FHIT: variants seen among roughly 807,000 people sequenced by gnomAD.
The protein encoded by FHIT is bis(5'-adenosyl)-triphosphatase.
Under a neutral mutation model 17.9 loss-of-function variants are expected in FHIT, and 19 were observed. The ratio of observed to expected loss-of-function variants is 1.06; its 90% CI spans 0.74 to 1.56. The LOEUF is 1.56. Ranked by LOEUF, FHIT falls within the 40% of genes most tolerant of loss-of-function variation. The pLI, the probability that FHIT is intolerant of heterozygous loss-of-function variation, is 0.00. For missense variants in FHIT, 248 were observed against 189.2 expected (o/e 1.31, Z -1.82); for synonymous variants, 81 against 69.7 (o/e 1.16, Z -0.81).
At position 60,011,396 on chromosome 3, in the gene FHIT, C is replaced by T; in HGVS notation, c.254G>A (p.Gly85Asp). 2 of 1,613,404 alleles carry T rather than the reference C, an allele frequency of 1.2e-6. No homozygotes were observed. Among genetic ancestry groups the T allele is most frequent in the Non-Finnish European group, 1.7e-6 (2 of 1,179,456 alleles). ...CTTCACAGTCTGTCCGGCTTCGGGG[C>T]CATCCTAGAAGTAGGAAAAAACCAA... ...GTSLTFSMQD[G>D]PEAGQTVKHV... The change falls in exon 7 of 10, where the codon GGC becomes GAC. Residue 85 changes from glycine to aspartate, a missense_variant. By Grantham distance (94) the Gly-to-Asp change is moderately conservative. Coordinates refer to ENST00000492590, the MANE Select transcript of FHIT (RefSeq NM_002012.4).
chr3:60,207,163 A>AGT (rs1475906047), intron 5 of FHIT, among the ~76,000 whole-genome samples: 1 of 145,540 alleles, frequency 6.9e-6, no homozygotes, highest in African/African-American at 2.5e-5. Context: ...GGAGTGTGTC[A>AGT]GTGTGCGTGT....
At chr3:59,945,847 G>C (rs1706775490) in intron 7 of FHIT, among the ~76,000 whole-genome samples, 1 of 152,126 alleles carries the variant, frequency 6.6e-6, no homozygotes, top group Non-Finnish European at 1.5e-5. Flanking sequence ...TAGGTTTGCA[G>C]CTTTATTTCT....
At chr3:59,885,086 TAAAG>T (rs1350198107) in intron 8 of FHIT, among the ~76,000 whole-genome samples, 1 of 152,184 alleles carries the variant, frequency 6.6e-6, no homozygotes, top group Non-Finnish European at 1.5e-5. Flanking sequence ...TGTGTTCAAA[TAAAG>T]ATATTTTCAA....
chr3:60,099,985 TCAAA>T (rs1214818016), intron 5 of FHIT, among the ~76,000 whole-genome samples: 4 of 152,158 alleles, frequency 2.6e-5, no homozygotes, highest in African/African-American at 9.7e-5. Flanking sequence ...TGAATTCTGT[TCAAA>T]CAATTATCAG....
At chr3:60,960,083 A>G (rs1709346068) in intron 3 of FHIT, among the ~76,000 whole-genome samples, 1 of 151,882 alleles carries the variant, frequency 6.6e-6, no homozygotes, top group African/African-American at 2.4e-5. Context: ...TACCCTCATC[A>G]CTGCTTTCCG....
rs1292373651 is a variant in FHIT, at chr3:60,114,072, T to TATATAA, written c.104-99921_104-99920insTTATAT. ...ATATATATATATATATATATATATA[T>TATATAA]AATGTTATATGTATCTTACCACAAT... On this transcript the variant is annotated intron_variant, in intron 5 of 9. Coordinates refer to ENST00000492590, the MANE Select transcript of FHIT (RefSeq NM_002012.4). Among the ~76,000 whole-genome samples, 571 of 82,140 alleles carry TATATAA rather than the reference T, an allele frequency of 7.0e-3. 25 individuals are homozygous for TATATAA. The highest frequency in any genetic ancestry group is 0.02 in the African/African-American group (338 of 16,960). The allele number at this position is 82,140 out of a possible 152,430, so 53.9% of individuals were successfully genotyped here.
At chr3:60,614,806 G>C (rs1177720494) in intron 4 of FHIT, among the ~76,000 whole-genome samples, 3 of 65,636 alleles carry the variant, frequency 4.6e-5, no homozygotes, top group African/African-American at 1.6e-4. Flanking sequence ...AATTGCAAAA[G>C]TTGTTTTTTT....
chr3:60,906,165 G>T (rs1706405068), intron 3 of FHIT, among the ~76,000 whole-genome samples: 1 of 152,138 alleles, frequency 6.6e-6, no homozygotes, highest in Admixed American at 6.5e-5. Context: ...AGGAAAAAAA[G>T]AAGTCCAAAT....
chr3:60,794,724 T>C (rs1328272074), intron 4 of FHIT, among the ~76,000 whole-genome samples: 8 of 152,242 alleles, frequency 5.3e-5, no homozygotes, highest in African/African-American at 1.9e-4. Context: ...CTTTAAATTT[T>C]CATAATGAGT....
intron 3 of FHIT, among the ~76,000 whole-genome samples, chr3:60,905,196 C>T (rs1043860502): frequency 6.6e-6 from 1 of 151,884 alleles, no homozygotes; most frequent in African/African-American, 2.4e-5. Context: ...TTCTGCAAAC[C>T]GAAAACTCTT....
Position 60,635,481 on chromosome 3 carries a change from C to T in FHIT, c.-17-98502G>A, listed in dbSNP as rs547590475. Among the ~76,000 whole-genome samples the T allele has an allele frequency of 1.6e-4, 24 of 152,290 alleles. 1 individual carries two copies. The South Asian group carries it at 5.0e-3, about 32-fold the overall frequency. ...ACATAAACCCCCCAACCACACTACC[C>T]TTTCCCCACCTCTACTACCTGGCTC... On this transcript the variant is annotated intron_variant, in intron 4 of 9. Coordinates refer to ENST00000492590, the MANE Select transcript of FHIT (RefSeq NM_002012.4).
At chr3:60,725,123 A>G (rs1310166171) in intron 4 of FHIT, among the ~76,000 whole-genome samples, 1 of 152,006 alleles carries the variant, frequency 6.6e-6, no homozygotes, top group African/African-American at 2.4e-5. Context: ...CCCCATTTTA[A>G]CTGGGCTATT....
chr3:61,111,344 C>G (rs2036154037), intron 2 of FHIT, among the ~76,000 whole-genome samples: 1 of 152,180 alleles, frequency 6.6e-6, no homozygotes, highest in South Asian at 2.1e-4. Flanking sequence ...TTACAAGCCA[C>G]ACTGAATCTC....
At chr3:60,393,734 C>A (rs1701324630) in intron 5 of FHIT, among the ~76,000 whole-genome samples, 2 of 152,024 alleles carry the variant, frequency 1.3e-5, no homozygotes, top group South Asian at 4.1e-4. Flanking sequence ...TCTGGATTTC[C>A]ATTACCTCAT....
At chr3:60,884,718 C>T (rs971369481) in intron 3 of FHIT, among the ~76,000 whole-genome samples, 2 of 151,532 alleles carry the variant, frequency 1.3e-5, no homozygotes, top group African/African-American at 4.9e-5. Flanking sequence ...ATTATTTGAG[C>T]CCAGGAGTTT....
intron 8 of FHIT, among the ~76,000 whole-genome samples, chr3:59,775,524 A>G (rs144625706): frequency 0.011 from 1,706 of 151,240 alleles, 17 homozygotes; most frequent in Non-Finnish European, 0.018. Flanking sequence ...GATTTTATAA[A>G]TGAATGCAAA....
At chr3:60,587,198 G>A (rs1410032544) in intron 4 of FHIT, among the ~76,000 whole-genome samples, 2 of 152,008 alleles carry the variant, frequency 1.3e-5, no homozygotes, top group African/African-American at 4.8e-5. Context: ...AATGTCATTT[G>A]CAGGGACGTG....
intron 4 of FHIT, among the ~76,000 whole-genome samples, chr3:60,733,610 A>C (rs1553711879): frequency 6.6e-6 from 1 of 152,136 alleles, no homozygotes; most frequent in East Asian, 1.9e-4. Context: ...TTGCTGAAGA[A>C]ACTATTTCTC....
At chr3:60,007,693 T>A (rs1699977825) in intron 7 of FHIT, among the ~76,000 whole-genome samples, 1 of 152,168 alleles carries the variant, frequency 6.6e-6, no homozygotes, top group African/African-American at 2.4e-5. Context: ...TAAAGACAAC[T>A]GTGTATTTTT....
Sources: gnomAD v4.1 joint callset for allele counts (sites outside exome capture counted in the v4.1 genomes callset) on GRCh38, gnomAD v4.1.1 for gene constraint, MANE v1.5 for transcripts, NCBI Gene and HGNC (gene_info 2026-07-23, HGNC 2026-07-21) for gene names.